MINDY4: variants seen among roughly 807,000 people sequenced by gnomAD.
MINDY4 encodes the protein probable ubiquitin carboxyl-terminal hydrolase MINDY-4.
In MINDY4, 68 loss-of-function variants were observed where a neutral mutation model predicts 87.0. The ratio of observed to expected loss-of-function variants is 0.78; its 90% CI spans 0.64 to 0.96. MINDY4 has a LOEUF of 0.96. Among genes scored for constraint, MINDY4 ranks in the 40% least tolerant of loss-of-function variants. The pLI is 0.00. For synonymous variants in MINDY4, 379 were observed against 363.2 expected (o/e 1.04, Z -0.50); for missense variants, 919 against 928.2 (o/e 0.99, Z 0.13).
chr7:30,779,678 G>C (rs1040385153), intron 2 of MINDY4: 5 of 152,226 alleles, frequency 3.3e-5, no homozygotes, highest in African/African-American at 1.2e-4. Flanking sequence ...GTGAGCCAGA[G>C]AGAGTTGGCT....
chr7:30,885,442 G>T (rs2128582739), intron 17 of MINDY4, among the ~76,000 whole-genome samples: 1 of 152,250 alleles, frequency 6.6e-6, no homozygotes, highest in East Asian at 1.9e-4. Flanking sequence ...AACCTGGGAG[G>T]CGAAGATTGC....
intron 15 of MINDY4, 70 bp downstream of exon 15, chr7:30,875,726 G>A: frequency 6.6e-7 from 1 of 1,507,840 alleles, no homozygotes; most frequent in Admixed American, 2.0e-5. Context: ...AGGGAAGTGG[G>A]GAAGGAAAGC....
At chr7:30,807,451 C>T (rs1444897950) in intron 5 of MINDY4, among the ~76,000 whole-genome samples, 1 of 151,870 alleles carries the variant, frequency 6.6e-6, no homozygotes, top group Non-Finnish European at 1.5e-5. Flanking sequence ...CAACACACTC[C>T]TAGGAGTATA....
chr7:30,819,360 A>G (rs1157203086), intron 5 of MINDY4, among the ~76,000 whole-genome samples: 1 of 151,868 alleles, frequency 6.6e-6, no homozygotes, highest in Non-Finnish European at 1.5e-5. Flanking sequence ...TTCTTTTTTT[A>G]TTTCTTTGTA....
At chr7:30,773,162 A>T (rs1046108282) in intron 1 of MINDY4, among the ~76,000 whole-genome samples, 2 of 152,230 alleles carry the variant, frequency 1.3e-5, no homozygotes, top group African/African-American at 4.8e-5. Flanking sequence ...GCTCTAGGGC[A>T]GAGACCACGT....
chr7:30,882,259 C>T lies in MINDY4; in HGVS notation c.2050C>T (p.Leu684=), dbSNP rs751001561. Residue 684 remains leucine, a synonymous_variant, in exon 16 of 18, where the codon CTG becomes TTG. Coordinates refer to ENST00000265299, the MANE Select transcript of MINDY4 (RefSeq NM_032222.3). ...GAGCCACTTCAGCATCCTCTTTAGC[C>T]TGCAGCCGGGGCTCCTGCGTGACTG... ...SESHFSILFS[L]QPGLLRDWRT... 6 of 1,613,886 alleles carry T rather than the reference C, an allele frequency of 3.7e-6. No individual in the cohort carries two copies. Among genetic ancestry groups the T allele is most frequent in the Non-Finnish European group, 5.1e-6 (6 of 1,179,920 alleles).
chr7:30,833,467 C>T (rs1584290996), intron 6 of MINDY4, among the ~76,000 whole-genome samples: 1 of 152,182 alleles, frequency 6.6e-6, no homozygotes, highest in Non-Finnish European at 1.5e-5. Flanking sequence ...CGGTTATCTC[C>T]CACAGTGTCC....
At chr7:30,875,747 T>C (rs1790239286) in intron 15 of MINDY4, 91 bp downstream of exon 15, 1 of 1,399,928 alleles carries the variant, frequency 7.1e-7, no homozygotes, top group African/African-American at 1.5e-5. Flanking sequence ...TGGACTCCAC[T>C]TCTCAGAGCT....
chr7:30,846,144 G>T (rs940746373), intron 9 of MINDY4, among the ~76,000 whole-genome samples: 3 of 152,176 alleles, frequency 2.0e-5, no homozygotes, highest in Non-Finnish European at 4.4e-5. Context: ...CAAGGCCTCT[G>T]TGGACATTGG....
At chr7:30,835,777 TG>T (rs1455447645) in intron 6 of MINDY4, among the ~76,000 whole-genome samples, 6 of 152,262 alleles carry the variant, frequency 3.9e-5, no homozygotes, top group Non-Finnish European at 8.8e-5. Flanking sequence ...TGCTCAGCCT[TG>T]CCGGCACCAT....
intron 6 of MINDY4, among the ~76,000 whole-genome samples, chr7:30,829,660 C>A (rs759658053): frequency 1.4e-4 from 21 of 152,180 alleles, no homozygotes; most frequent in Non-Finnish European, 2.6e-4. Context: ...GTTTACTCTG[C>A]CTAACTGATC....
chr7:30,798,428 A>C (rs577526202), intron 5 of MINDY4, among the ~76,000 whole-genome samples: 1 of 152,064 alleles, frequency 6.6e-6, no homozygotes, highest in Admixed American at 6.5e-5. Flanking sequence ...CCTGAAATGA[A>C]GACTGTGGGA....
chr7:30,878,650 G>A (rs1790363686), intron 15 of MINDY4, among the ~76,000 whole-genome samples: 1 of 152,230 alleles, frequency 6.6e-6, no homozygotes, highest in Admixed American at 6.5e-5. Flanking sequence ...GAGGGATGGG[G>A]TGGGACAGGG....
intron 5 of MINDY4, among the ~76,000 whole-genome samples, chr7:30,821,067 C>A (rs1209899688): frequency 6.6e-6 from 1 of 152,130 alleles, no homozygotes; most frequent in Non-Finnish European, 1.5e-5. Context: ...CCTCTACCCC[C>A]TCAAAAAAAT....
At chr7:30,814,548 T>A (rs1232517245) in intron 5 of MINDY4, among the ~76,000 whole-genome samples, 1 of 152,232 alleles carries the variant, frequency 6.6e-6, no homozygotes, top group Non-Finnish European at 1.5e-5. Context: ...CTTATGCTGC[T>A]TTCTACACAG....
chr7:30,785,752 T>C lies in MINDY4; in HGVS notation c.423T>C (p.His141=), dbSNP rs1234074432. 1 of 1,614,198 alleles carries C rather than the reference T, an allele frequency of 6.2e-7. No individual in the cohort carries two copies. Among genetic ancestry groups the C allele is most frequent in the Non-Finnish European group, 8.5e-7 (1 of 1,180,012 alleles). The change falls in exon 4 of 18, where the codon CAT becomes CAC. Residue 141 remains histidine, a synonymous_variant. Coordinates refer to ENST00000265299, the MANE Select transcript of MINDY4 (RefSeq NM_032222.3). ...TGGAAATATTCCTTTTTCACAGACATGACAATCTTGATGGAGATGTACTTG... is the reference window on the plus strand; with the variant it reads ...TGGAAATATTCCTTTTTCACAGACACGACAATCTTGATGGAGATGTACTTG... The part of the protein sequence containing the change: ...TSLSETSKAR[H]DNLDGDVLGN...
At chr7:30,845,110 CCCAGGGAGG>C (rs916841597) in intron 9 of MINDY4, among the ~76,000 whole-genome samples, 4 of 152,118 alleles carry the variant, frequency 2.6e-5, no homozygotes, top group African/African-American at 9.7e-5. Flanking sequence ...GCAGTGGGGG[CCCAGGGAGG>C]CCAGGAGGAA....
intron 9 of MINDY4, among the ~76,000 whole-genome samples, chr7:30,842,576 A>AG (rs1789075364): frequency 6.6e-6 from 1 of 152,194 alleles, no homozygotes. Flanking sequence ...GCAGGGATAC[A>AG]GGGCTGAACA....
intron 5 of MINDY4, among the ~76,000 whole-genome samples, chr7:30,825,679 A>G (rs1427723737): frequency 6.6e-6 from 1 of 152,212 alleles, no homozygotes; most frequent in African/African-American, 2.4e-5. Context: ...TTCTGTGAGA[A>G]TCATCTGGCA....
Sources: gnomAD v4.1 joint callset for allele counts (sites outside exome capture counted in the v4.1 genomes callset) on GRCh38, gnomAD v4.1.1 for gene constraint, MANE v1.5 for transcripts, NCBI Gene and HGNC (gene_info 2026-07-23, HGNC 2026-07-21) for gene names.